Variants in SV2B observed in about 807,000 individuals in gnomAD.
SV2B encodes solute carrier family 22 member B2.
In SV2B, 41 loss-of-function variants were observed where a neutral mutation model predicts 73.9. The ratio of observed to expected loss-of-function variants is 0.56; its 90% CI spans 0.43 to 0.72. The LOEUF (loss-of-function observed/expected upper bound fraction) is 0.72, where lower values mean the gene tolerates loss of function less well. Among genes scored for constraint, SV2B ranks in the 30% least tolerant of loss-of-function variants. The probability of loss-of-function intolerance (pLI) is 0.00; values close to 1 mark genes in which losing one functional copy is unlikely to be tolerated. For missense variants in SV2B, 764 were observed against 857.8 expected (o/e 0.89, Z 1.37); for synonymous variants, 314 against 314.2 (o/e 1.00, Z 0.01).
intron 1 of SV2B, among the ~76,000 whole-genome samples, chr15:91,103,352 C>G (rs1053031428): frequency 6.6e-6 from 1 of 152,146 alleles, no homozygotes; most frequent in African/African-American, 2.4e-5. Flanking sequence ...TCCTTTCCCC[C>G]ACACTAAAAG....
chr15:91,256,108 G>T (rs1163780894), intron 4 of SV2B, among the ~76,000 whole-genome samples: 2 of 152,116 alleles, frequency 1.3e-5, no homozygotes, highest in East Asian at 3.9e-4. Flanking sequence ...AAAAAAAAAT[G>T]GATATATTAT....
chr15:91,180,717 T>C (rs974686973), intron 1 of SV2B, among the ~76,000 whole-genome samples: 2 of 152,258 alleles, frequency 1.3e-5, no homozygotes, highest in African/African-American at 4.8e-5. Context: ...CTTCACGTAG[T>C]TCTTGAGCCT....
At position 91,134,004 on chromosome 15, in the gene SV2B, C is replaced by CTTTTTTTTTTTTTTTTTTTTTTTT. The variant is rs10637206; in HGVS notation, c.-392+33653_-392+33654insTTTTTTTTTTTTTTTTTTTTTTTT. 3.2e-4 allele frequency among the ~76,000 whole-genome samples: 34 copies of CTTTTTTTTTTTTTTTTTTTTTTTT among 106,214 alleles called. 4 individuals are homozygous for CTTTTTTTTTTTTTTTTTTTTTTTT. The highest frequency in any genetic ancestry group is 4.0e-4 in the Non-Finnish European group (22 of 54,796). 69.7% of individuals were successfully genotyped at this position (106,214 alleles called of 152,430 possible). ...TGCCTCTTCACCACTTTCTTTCTTC[C>CTTTTTTTTTTTTTTTTTTTTTTTT]TTTTTTTTTTTTGAGATGGAGTCTT... On this transcript the variant is annotated intron_variant, in intron 1 of 12. Transcript: ENST00000394232.
In SV2B at chr15:91,263,082, C is replaced by G. The variant is rs2047968310; in HGVS notation, c.1008+2673C>G. On this transcript the variant is annotated intron_variant, in intron 6 of 12. Coordinates refer to ENST00000394232, the MANE Select transcript of SV2B (RefSeq NM_001323032.3). The stretch of plus-strand genomic sequence containing the variant: ...GAAACACGGGCATACACAAGCACAT[C>G]CACAAAGACACGGAGACACACATAG... Among the ~76,000 whole-genome samples, 3 of 147,678 alleles carry G rather than the reference C, an allele frequency of 2.0e-5. No individual in the cohort carries two copies. In the South Asian group the frequency reaches 6.2e-4, roughly 31 times the overall value.
intron 1 of SV2B, among the ~76,000 whole-genome samples, chr15:91,168,162 A>T (rs956375580): frequency 2.0e-5 from 3 of 152,114 alleles, no homozygotes; most frequent in Non-Finnish European, 4.4e-5. Flanking sequence ...CACGCCTTTC[A>T]ATTTGTGATT....
intron 1 of SV2B, among the ~76,000 whole-genome samples, chr15:91,222,023 A>G (rs2046236718): frequency 6.6e-6 from 1 of 152,188 alleles, no homozygotes; most frequent in South Asian, 2.1e-4. Context: ...AAGCAAAGCC[A>G]TCCTGCCTCC....
intron 2 of SV2B, among the ~76,000 whole-genome samples, chr15:91,243,978 A>C (rs1351635488): frequency 6.6e-6 from 1 of 152,134 alleles, no homozygotes; most frequent in East Asian, 1.9e-4. Flanking sequence ...AGAGTGACAA[A>C]TGCCTCACCC....
At position 91,115,101 on chromosome 15, in the gene SV2B, G is replaced by A. The variant is rs1481900077; in HGVS notation, c.-392+14738G>A. On this transcript the variant is annotated intron_variant, in intron 1 of 12. Coordinates refer to ENST00000394232, the MANE Select transcript of SV2B (RefSeq NM_001323032.3). This position sits in a 1 kb window ranked among gnomAD's most constrained non-coding sequence, Gnocchi z 4.3. Reference sequence around the variant, plus strand: ...CTGGAGAGTTGTTACTGAAAGAAGGGGACATAGGTCCTGAGCAGGCAAAGC... The same window carrying A: ...CTGGAGAGTTGTTACTGAAAGAAGGAGACATAGGTCCTGAGCAGGCAAAGC... Among the ~76,000 whole-genome samples, 1 of 152,220 alleles carries A rather than the reference G, an allele frequency of 6.6e-6. No homozygotes were observed. The highest frequency in any genetic ancestry group is 2.4e-5 in the African/African-American group (1 of 41,450).
chr15:91,145,122 A>C (rs2043109270), intron 1 of SV2B, among the ~76,000 whole-genome samples: 1 of 151,934 alleles, frequency 6.6e-6, no homozygotes. Flanking sequence ...ATTGTTCCTG[A>C]TCCTCTGCCT....
chr15:91,262,090 C>T (rs1340610443), intron 6 of SV2B, among the ~76,000 whole-genome samples: 2 of 152,180 alleles, frequency 1.3e-5, no homozygotes, highest in South Asian at 2.1e-4. Context: ...CAGGATCACA[C>T]GGTGGCTGAG....
intron 2 of SV2B, among the ~76,000 whole-genome samples, chr15:91,233,177 A>G (rs926416853): frequency 6.6e-6 from 1 of 152,218 alleles, no homozygotes. Context: ...TAAAGAGAGC[A>G]CTGATAGTCC....
intron 1 of SV2B, among the ~76,000 whole-genome samples, chr15:91,180,690 C>A (rs2044516700): frequency 6.6e-6 from 1 of 152,224 alleles, no homozygotes; most frequent in Admixed American, 6.5e-5. Context: ...CGCATCAGCT[C>A]CTGAGGCTTC....
chr15:91,154,752 G>A (rs1366602305), intron 1 of SV2B, among the ~76,000 whole-genome samples: 3 of 152,128 alleles, frequency 2.0e-5, no homozygotes, highest in Admixed American at 6.6e-5. Context: ...CAAGGTATGG[G>A]CTGTCCACAG....
At chr15:91,276,751 A>T (rs535165981) in intron 9 of SV2B, among the ~76,000 whole-genome samples, 1 of 150,920 alleles carries the variant, frequency 6.6e-6, no homozygotes. Context: ...TATGTTAATA[A>T]TAATTATATT....
intron 1 of SV2B, among the ~76,000 whole-genome samples, chr15:91,172,645 A>T (rs1284403878): frequency 6.6e-6 from 1 of 152,176 alleles, no homozygotes; most frequent in African/African-American, 2.4e-5. Context: ...AGAAGCAGAG[A>T]GCAGAGCAGG....
At position 91,298,095 on chromosome 15, in the gene SV2B, C is replaced by G. The variant is rs1212536907; in HGVS notation, c.*5543C>G. ...ACTAGATGTGAACCTGACCTGCAGA[C>G]AGTCCACCTGAACGTGCCTGGAAAT... is the stretch of plus-strand genomic sequence containing the variant. On this transcript the variant is annotated 3_prime_UTR_variant, in exon 13 of 13. Transcript: ENST00000394232. The surrounding 1 kb of genome is among the most constrained non-coding windows in gnomAD (Gnocchi z 5.4). 1 of 152,248 alleles carries G rather than the reference C, an allele frequency of 6.6e-6. No individual in the cohort carries two copies. The highest frequency in any genetic ancestry group is 6.5e-5 in the Admixed American group (1 of 15,286). The allele number at this position is 152,248 out of a possible 1,614,324, so 9.4% of individuals were successfully genotyped here. A position where few individuals can be genotyped will look rare whatever the true frequency, so the allele number is the denominator to read the frequency against.
chr15:91,189,944 C>T (rs571800255), intron 1 of SV2B, among the ~76,000 whole-genome samples: 2 of 151,794 alleles, frequency 1.3e-5, no homozygotes, highest in Admixed American at 6.6e-5. Flanking sequence ...GCTGAGATTG[C>T]GCCACTGCAC....
intron 1 of SV2B, among the ~76,000 whole-genome samples, chr15:91,144,176 A>T (rs1333865934): frequency 6.6e-6 from 1 of 152,222 alleles, no homozygotes; most frequent in Non-Finnish European, 1.5e-5. Flanking sequence ...CACCTGCAGG[A>T]ACTAGCTAGA....
chr15:91,278,003 C>T (rs2048549062), intron 9 of SV2B, among the ~76,000 whole-genome samples: 1 of 152,138 alleles, frequency 6.6e-6, no homozygotes, highest in Non-Finnish European at 1.5e-5. Flanking sequence ...GATTTTATTG[C>T]CAGACTCACT....
Sources: allele counts gnomAD v4.1 joint callset (sites outside exome capture counted in the v4.1 genomes callset), GRCh38; gene constraint gnomAD v4.1.1; non-coding constraint Gnocchi (gnomAD v3.1); transcripts MANE v1.5; gene names NCBI Gene and HGNC (gene_info 2026-07-23, HGNC 2026-07-21).